CCDC88A: variants seen among roughly 807,000 people sequenced by gnomAD.
CCDC88A encodes the protein coiled-coil and HOOK domain protein 88A, also known as girdin.
Under a neutral mutation model 234.3 loss-of-function variants are expected in CCDC88A, and 54 were observed. The observed-to-expected ratio is 0.23, with a 90% CI of 0.19 to 0.29. The LOEUF (loss-of-function observed/expected upper bound fraction) is 0.29. Ranked by LOEUF, CCDC88A falls within the 10% of genes least tolerant of loss-of-function variation. The pLI is 1.00. For synonymous variants in CCDC88A, 753 were observed against 737.8 expected, an observed-to-expected ratio of 1.02 and a Z score of -0.33; for missense variants, 1,832 against 2,123.4, an observed-to-expected ratio of 0.86 and a Z score of 2.70.
At chr2:55,330,587 T>G (rs1233854961) in intron 16 of CCDC88A, among the ~76,000 whole-genome samples, 1 of 152,032 alleles carries the variant, frequency 6.6e-6, no homozygotes, top group Non-Finnish European at 1.5e-5. Context: ...TTTATGTCTG[T>G]GAGTTTCTGG....
intron 3 of CCDC88A, among the ~76,000 whole-genome samples, chr2:55,381,965 T>C (rs180729664): frequency 1.4e-3 from 214 of 152,352 alleles, no homozygotes; most frequent in Non-Finnish European, 1.8e-3. Context: ...ACATTTATCA[T>C]ACTATTACAT....
Position 55,346,174 on chromosome 2 carries a change from C to A in CCDC88A, c.1041+1G>T. On this transcript the variant is annotated splice_donor_variant, in intron 10 of 32. Transcript: ENST00000436346. LOFTEE classifies it high-confidence loss of function. ...CATGAATGGTTAATTATGCAACATACCTCAACTCTTGCCTTATAAAATTCA... is the reference window on the plus strand; with the variant it reads ...CATGAATGGTTAATTATGCAACATAACTCAACTCTTGCCTTATAAAATTCA... 1 of 1,590,442 alleles carries A rather than the reference C, an allele frequency of 6.3e-7. No individual in the cohort carries two copies. Among genetic ancestry groups the A allele is most frequent in the Non-Finnish European group, 8.6e-7 (1 of 1,167,688 alleles).
chr2:55,304,265 T>G (rs1013241443), intron 25 of CCDC88A, among the ~76,000 whole-genome samples: 8 of 152,100 alleles, frequency 5.3e-5, no homozygotes, highest in African/African-American at 1.9e-4. Context: ...GCCACTGCAC[T>G]CCAGCCTGGG....
intron 2 of CCDC88A, among the ~76,000 whole-genome samples, chr2:55,392,758 T>TA (rs1676853891): frequency 6.6e-6 from 1 of 152,230 alleles, no homozygotes; most frequent in Admixed American, 6.5e-5. Context: ...TCCATACTGA[T>TA]AATCAATTGT....
chr2:55,371,961 A>T (rs1012992160), intron 5 of CCDC88A, among the ~76,000 whole-genome samples: 3 of 152,226 alleles, frequency 2.0e-5, no homozygotes, highest in African/African-American at 7.2e-5. Context: ...AGCTATTATT[A>T]TAGTCATTGA....
intron 2 of CCDC88A, among the ~76,000 whole-genome samples, chr2:55,402,201 AAC>A (rs1347868183): frequency 6.6e-6 from 1 of 152,160 alleles, no homozygotes; most frequent in Non-Finnish European, 1.5e-5. Context: ...ACCTAAATGT[AAC>A]AGTGTTTGTT....
chr2:55,387,779 CAAAAAAAAAAAAA>C (rs66479611), intron 3 of CCDC88A, among the ~76,000 whole-genome samples: 2 of 64,844 alleles, frequency 3.1e-5, no homozygotes, highest in Admixed American at 2.0e-4. Flanking sequence ...GGCTCCATCT[CAAAAAAAAAAAAA>C]AAAAAAAGAA....
intron 22 of CCDC88A, chr2:55,315,641 T>C (rs927164664): frequency 4.8e-6 from 1 of 208,034 alleles, no homozygotes; most frequent in East Asian, 1.1e-4. Context: ...TTTCTATTGG[T>C]TTATAATTTC....
intron 16 of CCDC88A, among the ~76,000 whole-genome samples, chr2:55,331,342 T>G (rs1054359644): frequency 6.6e-6 from 1 of 152,224 alleles, no homozygotes; most frequent in Non-Finnish European, 1.5e-5. Context: ...CTTGAACTGA[T>G]TGCTAGAATA....
At chr2:55,397,276 G>C (rs1257399404) in intron 2 of CCDC88A, 1 of 152,070 alleles carries the variant, frequency 6.6e-6, no homozygotes, top group Non-Finnish European at 1.5e-5. Flanking sequence ...TGTATTTTTA[G>C]GAGAGACGGG....
chr2:55,413,237 G>A (rs1039891829), intron 2 of CCDC88A, among the ~76,000 whole-genome samples: 3 of 151,988 alleles, frequency 2.0e-5, no homozygotes, highest in African/African-American at 7.2e-5. Context: ...AAAAAACTAA[G>A]CTGTGAACTA....
At chr2:55,342,595 T>C (rs1215979768) in intron 12 of CCDC88A, among the ~76,000 whole-genome samples, 1 of 152,160 alleles carries the variant, frequency 6.6e-6, no homozygotes, top group African/African-American at 2.4e-5. Context: ...ACAAGGAATA[T>C]AATTTTTAAA....
At position 55,322,673 on chromosome 2, in the gene CCDC88A, G is replaced by C; in HGVS notation, c.3017C>G (p.Ala1006Gly). The C allele has an allele frequency of 1.3e-6, 2 of 1,531,032 alleles. No individual in the cohort carries two copies. Among genetic ancestry groups the C allele is most frequent in the Non-Finnish European group, 1.8e-6 (2 of 1,142,188 alleles). The allele number at this position is 1,531,032 out of a possible 1,614,324, so 94.8% of individuals were successfully genotyped here. ...ELKTVKKNYE[A>G]LKQRQDEERM... ...TTCCTCATCTTGTCTCTGTTTGAGA[G>C]CTTCATAATTTTTTTTCACCTAAAA... is the stretch of plus-strand genomic sequence containing the variant. The change falls in exon 18 of 33, where the codon GCT becomes GGT. Residue 1006 changes from alanine (A) to glycine (G), a missense_variant. Coordinates refer to ENST00000436346, the MANE Select transcript of CCDC88A (RefSeq NM_001365480.1).
At position 55,335,472 on chromosome 2, in the gene CCDC88A, A is replaced by G. The variant is rs1365468184; in HGVS notation, c.1657-308T>C. On this transcript the variant is annotated intron_variant, in intron 14 of 32. Transcript: ENST00000436346. The surrounding 1 kb of genome is among the most constrained non-coding windows in gnomAD (Gnocchi z 4.5). ...AATGGTCTTCAGATTATTTACAGTT[A>G]CATGCTTCAAATTCAAATAGGAATA... 3.3e-5 allele frequency among the ~76,000 whole-genome samples: 5 copies of G among 152,202 alleles called. No individual in the cohort carries two copies. Among genetic ancestry groups the G allele is most frequent in the African/African-American group, 9.6e-5 (4 of 41,464 alleles).
intron 9 of CCDC88A, among the ~76,000 whole-genome samples, chr2:55,346,616 C>T (rs936286760): frequency 7.9e-5 from 12 of 152,126 alleles, no homozygotes; most frequent in Admixed American, 2.0e-4. Flanking sequence ...GATGGAGTTT[C>T]GTCATGTTGG....
At chr2:55,349,486 G>A in intron 9 of CCDC88A, 32 bp downstream of exon 9, 1 of 1,402,356 alleles carries the variant, frequency 7.1e-7, no homozygotes, top group Non-Finnish European at 1.0e-6. Context: ...ATTACTTGGT[G>A]GTCCTAAATA....
chr2:55,414,018 T>C (rs896935540), intron 2 of CCDC88A, among the ~76,000 whole-genome samples: 2 of 151,132 alleles, frequency 1.3e-5, no homozygotes, highest in African/African-American at 4.9e-5. Context: ...AGATGACTTC[T>C]GAAGTCCCTT....
Position 55,346,016 on chromosome 2 carries a change from A to G in CCDC88A, c.1041+159T>C, listed in dbSNP as rs193086299. On this transcript the variant is annotated intron_variant, in intron 10 of 32. Coordinates refer to ENST00000436346, the MANE Select transcript of CCDC88A (RefSeq NM_001365480.1). ...AGATCCCTTTTGTAAAAGTCTAACT[A>G]AAAGCAATATGCTAATCTATCATAA... is the stretch of plus-strand genomic sequence containing the variant. 2.0e-4 allele frequency: 101 copies of G among 500,892 alleles called. 1 individual carries two copies. In the East Asian group the frequency reaches 3.2e-3, roughly 16 times the overall value. 31.0% of individuals were successfully genotyped at this position (500,892 alleles called of 1,614,324 possible).
chr2:55,380,515 G>C (rs1332492779), intron 3 of CCDC88A, among the ~76,000 whole-genome samples: 1 of 152,130 alleles, frequency 6.6e-6, no homozygotes, highest in Non-Finnish European at 1.5e-5. Flanking sequence ...ATAATAAGCA[G>C]ATGTTCCTTG....
Sources: gnomAD v4.1 joint callset for allele counts (sites outside exome capture counted in the v4.1 genomes callset) on GRCh38, gnomAD v4.1.1 for gene constraint, Gnocchi (gnomAD v3.1) non-coding constraint, MANE v1.5 for transcripts, NCBI Gene and HGNC (gene_info 2026-07-23, HGNC 2026-07-21) for gene names.